MBOAT2: variants seen among roughly 807,000 people sequenced by gnomAD.
MBOAT2 encodes the protein membrane-bound glycerophospholipid O-acyltransferase 2.
A neutral mutation model predicts 63.4 loss-of-function variants in MBOAT2; 28 were observed. The observed-to-expected ratio is 0.44, with a 90% CI of 0.33 to 0.61. The LOEUF is 0.61. Among genes scored for constraint, MBOAT2 ranks in the 20% least tolerant of loss-of-function variants. MBOAT2 has a pLI of 0.03. For synonymous variants in MBOAT2, 211 were observed against 215.6 expected, an observed-to-expected ratio of 0.98 and a Z score of 0.19; for missense variants, 470 against 605.8, an observed-to-expected ratio of 0.78 and a Z score of 2.35.
In MBOAT2 at chr2:8,857,478, T is replaced by A. The variant is rs972127655; in HGVS notation, c.*1201A>T. On this transcript the variant is annotated 3_prime_UTR_variant, in exon 13 of 13. Coordinates refer to ENST00000305997, the MANE Select transcript of MBOAT2 (RefSeq NM_138799.4). Reference sequence around the variant, plus strand: ...TTCCACTTACAGAACCTAAAACTCATTTTAGTAAGAGTTCACAGCAAAATT... The same window carrying A: ...TTCCACTTACAGAACCTAAAACTCAATTTAGTAAGAGTTCACAGCAAAATT... 1.3e-5 allele frequency: 2 copies of A among 152,212 alleles called. No homozygotes were observed. Among genetic ancestry groups the A allele is most frequent in the African/African-American group, 4.8e-5 (2 of 41,448 alleles). The allele number at this position is 152,212 out of a possible 1,614,324, so 9.4% of individuals were successfully genotyped here.
At chr2:8,941,112 A>G (rs1027762894) in intron 3 of MBOAT2, among the ~76,000 whole-genome samples, 1 of 152,218 alleles carries the variant, frequency 6.6e-6, no homozygotes, top group Non-Finnish European at 1.5e-5. Context: ...GTGAAAAAGT[A>G]AAGTCATAGA....
chr2:8,947,289 T>G (rs1668485052), intron 2 of MBOAT2, among the ~76,000 whole-genome samples: 1 of 152,222 alleles, frequency 6.6e-6, no homozygotes, highest in African/African-American at 2.4e-5. Flanking sequence ...TAGCAGACAC[T>G]GGCTCATGAT....
At chr2:8,860,043 C>G (rs574406195) in intron 12 of MBOAT2, among the ~76,000 whole-genome samples, 1 of 151,874 alleles carries the variant, frequency 6.6e-6, no homozygotes, top group African/African-American at 2.4e-5. Flanking sequence ...CAAAAATTAG[C>G]CGGGTGTAGT....
chr2:8,920,007 C>T (rs990975354), intron 3 of MBOAT2, among the ~76,000 whole-genome samples: 4 of 152,148 alleles, frequency 2.6e-5, no homozygotes, highest in African/African-American at 9.7e-5. Flanking sequence ...CTCAAGCAAT[C>T]CTCTTCCCTC....
intron 1 of MBOAT2, among the ~76,000 whole-genome samples, chr2:8,984,575 T>C (rs1416049727): frequency 6.6e-6 from 1 of 152,046 alleles, no homozygotes; most frequent in Non-Finnish European, 1.5e-5. Context: ...AAAGCATACA[T>C]TCTCTTGCAA....
intron 4 of MBOAT2, among the ~76,000 whole-genome samples, chr2:8,901,888 A>G (rs538159253): frequency 2.0e-4 from 30 of 152,318 alleles, no homozygotes; most frequent in Non-Finnish European, 3.7e-4. Flanking sequence ...TGGAGAAGAG[A>G]GGCGAGAGGA....
intron 4 of MBOAT2, among the ~76,000 whole-genome samples, chr2:8,905,129 ACAGAC>A (rs1213083096): frequency 1.3e-5 from 2 of 152,188 alleles, no homozygotes; most frequent in Non-Finnish European, 2.9e-5. Flanking sequence ...CATCAGAGCA[ACAGAC>A]CAGCTCAGCA....
chr2:8,912,619 A>C (rs913776351), intron 3 of MBOAT2, among the ~76,000 whole-genome samples: 7 of 152,230 alleles, frequency 4.6e-5, no homozygotes, highest in African/African-American at 1.7e-4. Context: ...TAAAATACTT[A>C]GGAATATACC....
intron 1 of MBOAT2, among the ~76,000 whole-genome samples, chr2:8,999,735 T>C (rs1672555525): frequency 6.6e-6 from 1 of 152,156 alleles, no homozygotes; most frequent in Non-Finnish European, 1.5e-5. Context: ...TACTAAACAT[T>C]ACCCTAGAAA....
intron 3 of MBOAT2, among the ~76,000 whole-genome samples, chr2:8,928,920 C>G (rs771316244): frequency 6.6e-6 from 1 of 152,112 alleles, no homozygotes; most frequent in Non-Finnish European, 1.5e-5. Context: ...CAGGGACTCT[C>G]AGAGATCTCT....
chr2:8,925,182 T>C (rs1216360044), intron 3 of MBOAT2, among the ~76,000 whole-genome samples: 1 of 152,116 alleles, frequency 6.6e-6, no homozygotes, highest in African/African-American at 2.4e-5. Flanking sequence ...TGCCAAGATC[T>C]TGGTTTTTAC....
At chr2:8,963,516 C>CT (rs1231223250) in intron 1 of MBOAT2, among the ~76,000 whole-genome samples, 5 of 151,982 alleles carry the variant, frequency 3.3e-5, no homozygotes, top group Non-Finnish European at 5.9e-5. Flanking sequence ...GTTGGTCAGG[C>CT]GGTCTTGAAC....
intron 1 of MBOAT2, among the ~76,000 whole-genome samples, chr2:8,984,189 G>T (rs140897475): frequency 6.6e-6 from 1 of 152,086 alleles, no homozygotes; most frequent in Non-Finnish European, 1.5e-5. Context: ...CCACTTACAC[G>T]AAGTATCTAG....
At chr2:8,952,709 T>A (rs903969521) in intron 2 of MBOAT2, among the ~76,000 whole-genome samples, 1 of 152,170 alleles carries the variant, frequency 6.6e-6, no homozygotes, top group Non-Finnish European at 1.5e-5. Flanking sequence ...TTTATGATTT[T>A]ATGCATGTAG....
chr2:8,896,918 C>T (rs945759928), intron 4 of MBOAT2, among the ~76,000 whole-genome samples: 1 of 152,176 alleles, frequency 6.6e-6, no homozygotes, highest in Non-Finnish European at 1.5e-5. Context: ...CGTTAGGAAA[C>T]CTGCTGGGTT....
chr2:8,904,762 G>C (rs936890801), intron 4 of MBOAT2, among the ~76,000 whole-genome samples: 1 of 151,696 alleles, frequency 6.6e-6, no homozygotes, highest in African/African-American at 2.4e-5. Flanking sequence ...TCTTGCTTTT[G>C]AAATAGGATC....
intron 6 of MBOAT2, among the ~76,000 whole-genome samples, chr2:8,879,861 T>C (rs377688238): frequency 9.2e-5 from 14 of 152,024 alleles, no homozygotes; most frequent in Admixed American, 7.9e-4. Flanking sequence ...TTGTATAACA[T>C]CAGACAGTAA....
At chr2:8,990,859 C>G (rs1051951440) in intron 1 of MBOAT2, among the ~76,000 whole-genome samples, 1 of 152,164 alleles carries the variant, frequency 6.6e-6, no homozygotes, top group African/African-American at 2.4e-5. Context: ...TAACTAGTCT[C>G]ATCGTACAAG....
At chr2:8,924,516 G>A (rs1445016021) in intron 3 of MBOAT2, among the ~76,000 whole-genome samples, 5 of 152,224 alleles carry the variant, frequency 3.3e-5, no homozygotes, top group Non-Finnish European at 5.9e-5. Flanking sequence ...AATAAAAATC[G>A]TGAGGGATTT....
Sources: allele counts gnomAD v4.1 joint callset (sites outside exome capture counted in the v4.1 genomes callset), GRCh38; gene constraint gnomAD v4.1.1; transcripts MANE v1.5; gene names NCBI Gene and HGNC (gene_info 2026-07-23, HGNC 2026-07-21).